TONSL: variants seen among roughly 807,000 people sequenced by gnomAD.
The protein encoded by TONSL is tonsoku like, DNA repair protein.
Under a neutral mutation model 147.1 loss-of-function variants are expected in TONSL, and 112 were observed. The observed-to-expected ratio is 0.76, with a 90% confidence interval of 0.65 to 0.89. The LOEUF (loss-of-function observed/expected upper bound fraction) is 0.89. Among genes scored for constraint, TONSL ranks in the 40% least tolerant of loss-of-function variants. The pLI, the probability that TONSL is intolerant of heterozygous loss-of-function variation, is 0.00. For missense variants in TONSL, 1,883 were observed against 1,864.6 expected (o/e 1.01, Z -0.18); for synonymous variants, 868 against 801.5 (o/e 1.08, Z -1.40).
chr8:144,438,477 C>T lies in TONSL; in HGVS notation c.1647G>A (p.Val549=), dbSNP rs1228979056. 1 of 1,612,536 alleles carries T rather than the reference C, an allele frequency of 6.2e-7. No homozygotes were observed. Among genetic ancestry groups the T allele is most frequent in the Non-Finnish European group, 8.5e-7 (1 of 1,179,838 alleles). The stretch of plus-strand genomic sequence containing the variant: ...GTCCCAGAGCGGGGCCCACCTGCCT[C>T]ACAAGGTCCTGGACGCGGCGCAGCT... The part of the protein sequence containing the change: ...EGQLRRVQDL[V]RQGHPLNPRD... The change falls in exon 13 of 26, where the codon GTG becomes GTA. Residue 549 remains valine (V), a synonymous_variant. Coordinates refer to ENST00000409379, the MANE Select transcript of TONSL (RefSeq NM_013432.5).
At position 144,438,468 on chromosome 8, in the gene TONSL, C is replaced by T. The variant is rs1270088139; in HGVS notation, c.1653+3G>A. On this transcript the variant is annotated splice_donor_region_variant and intron_variant, in intron 13 of 25. Transcript: ENST00000409379. Reference sequence around the variant, plus strand: ...CTGTCCCACGTCCCAGAGCGGGGCCCACCTGCCTCACAAGGTCCTGGACGC... The same window carrying T: ...CTGTCCCACGTCCCAGAGCGGGGCCTACCTGCCTCACAAGGTCCTGGACGC... 3 of 1,612,278 alleles carry T rather than the reference C, an allele frequency of 1.9e-6. No homozygotes were observed. Among genetic ancestry groups the T allele is most frequent in the Non-Finnish European group, 1.7e-6 (2 of 1,179,722 alleles).
chr8:144,439,747 G>A (rs1262647621), intron 11 of TONSL: 10 of 498,862 alleles, frequency 2.0e-5, no homozygotes, highest in Non-Finnish European at 3.2e-5. Context: ...TCTCACCCCT[G>A]GCCCCAGATG....
chr8:144,441,234 G>C, intron 7 of TONSL, 123 bp from the exon 8 acceptor site: 1 of 1,366,380 alleles, frequency 7.3e-7, no homozygotes, highest in Non-Finnish European at 9.8e-7. Context: ...CTGCCTGTTG[G>C]TGTGGGGGTT....
At position 144,434,234 on chromosome 8, in the gene TONSL, C is replaced by T. The variant is rs2130844567; in HGVS notation, c.3131G>A (p.Gly1044Asp). The T allele has an allele frequency of 6.5e-7, 1 of 1,538,072 alleles. No homozygotes were observed. The highest frequency in any genetic ancestry group is 1.2e-5 in the South Asian group (1 of 80,706). ...CAGGGAGCAGGCGCTGAACGAGAGG[C>T]CCAAGCCCTGGAGCTCCACGGCCTG... ...VLQAVELQGL[G>D]LSFSACSLAL... is the part of the protein sequence containing the mutation. Residue 1044 changes from glycine (G) to aspartate (D), a missense_variant, in exon 21 of 26, where the codon GGC (glycine) becomes GAC (aspartate). Coordinates refer to ENST00000409379, the MANE Select transcript of TONSL (RefSeq NM_013432.5).
At chr8:144,441,388 C>G (rs1195501448) in intron 7 of TONSL, 2 of 386,358 alleles carry the variant, frequency 5.2e-6, no homozygotes, top group African/African-American at 2.0e-5. Context: ...GTCAGGAGAT[C>G]GAGACCATCC....
intron 5 of TONSL, 29 bp downstream of exon 5, chr8:144,442,648 C>T (rs1424242391): frequency 6.2e-6 from 10 of 1,602,494 alleles, no homozygotes; most frequent in Non-Finnish European, 6.8e-6. Flanking sequence ...AGGGACTCCA[C>T]TCCCTCCTGG....
chr8:144,443,303 C>G lies in TONSL; in HGVS notation c.283G>C (p.Glu95Gln), dbSNP rs769353663. The change falls in exon 4 of 26, where the codon GAG becomes CAG. Residue 95 changes from glutamate to glutamine, a missense_variant. Physicochemically the swap from Glu to Gln is conservative, Grantham distance 29. Coordinates refer to ENST00000409379, the MANE Select transcript of TONSL (RefSeq NM_013432.5). The stretch of plus-strand genomic sequence containing the variant: ...TGGTTGCGCAGGGAATGTGCCAGCT[C>G]CAGGTACTGGTGCTGGTGCTGAGTG... ...AALQHQHQYL[E>Q]LAHSLRNHTE... The G allele has an allele frequency of 1.3e-6, 2 of 1,550,356 alleles. No individual in the cohort carries two copies. The highest frequency in any genetic ancestry group is 2.4e-5 in the South Asian group (2 of 84,050).
rs898503167 is a variant in TONSL, at chr8:144,436,400, G to C, written c.2033C>G (p.Ala678Gly). ...CAGAAGGCTGCTTGGGGTGTGGAAG[G>C]CCTGGGAGCTGTGGGGATCTGTGGG... is the stretch of plus-strand genomic sequence containing the variant. ...ASGQDPHSSQ[A>G]FHTPSSLLFD... Residue 678 changes from alanine (A) to glycine (G), a missense_variant, in exon 17 of 26, where the codon GCC (alanine) becomes GGC (glycine). Transcript: ENST00000409379. 13 of 1,508,424 alleles carry C rather than the reference G, an allele frequency of 8.6e-6. No homozygotes were observed. The highest frequency in any genetic ancestry group is 1.1e-5 in the Non-Finnish European group (13 of 1,134,842). The allele number at this position is 1,508,424 out of a possible 1,614,324, so 93.4% of individuals were successfully genotyped here.
intron 25 of TONSL, among the ~76,000 whole-genome samples, chr8:144,429,735 T>G (rs1410345001): frequency 6.6e-6 from 1 of 151,838 alleles, no homozygotes; most frequent in African/African-American, 2.4e-5. Flanking sequence ...GGAACTGAGG[T>G]GTGGGGAAGG....
Position 144,429,157 on chromosome 8 carries a change from A to G in TONSL, c.4123T>C (p.Phe1375Leu). ...CAGCGCCAGGGTCAGAGGCGCCGAA[A>G]GAAGAGCTTGGAGCCGTGGTCCAGC... ...CTLDHGSKLF[F>L]RRL The change falls in exon 26 of 26, where the codon TTT becomes CTT. Residue 1375 changes from phenylalanine to leucine, a missense_variant. Transcript: ENST00000409379. 1 of 1,530,486 alleles carries G rather than the reference A, an allele frequency of 6.5e-7. No homozygotes were observed. The highest frequency in any genetic ancestry group is 2.5e-5 in the East Asian group (1 of 40,328). The allele number at this position is 1,530,486 out of a possible 1,614,324, so 94.8% of individuals were successfully genotyped here.
rs759106761 is a variant in TONSL at position 144,436,585 on chromosome 8, G to C, written c.1987C>G (p.Leu663Val). Residue 663 changes from leucine (L) to valine (V), a missense_variant, in exon 16 of 26, where the codon CTG (leucine) becomes GTG (valine). Coordinates refer to ENST00000409379, the MANE Select transcript of TONSL (RefSeq NM_013432.5). Reference sequence around the variant, plus strand: ...TGGCCCGAGGCAGCCGCCTGGAGCAGCATCTCCATGGCCCTGGCCTTCTGC... The same window carrying C: ...TGGCCCGAGGCAGCCGCCTGGAGCACCATCTCCATGGCCCTGGCCTTCTGC... ...TRQKARAMEMLLQAAASGQDP... is the reference protein window; with the variant it reads ...TRQKARAMEMVLQAAASGQDP... 4.8e-5 allele frequency: 78 copies of C among 1,611,248 alleles called. No individual in the cohort carries two copies. The highest frequency in any genetic ancestry group is 6.1e-5 in the Non-Finnish European group (72 of 1,179,936).
intron 3 of TONSL, 23 bp downstream of exon 3, chr8:144,443,859 G>A: frequency 6.5e-7 from 1 of 1,543,006 alleles, no homozygotes; most frequent in Non-Finnish European, 8.7e-7. Flanking sequence ...CGGGCTGGAC[G>A]AGGCCAGTGA....
intron 23 of TONSL, among the ~76,000 whole-genome samples, chr8:144,431,424 T>C (rs13281939): frequency 0.52 from 78,112 of 151,658 alleles, 20,222 homozygotes; most frequent in Middle Eastern, 0.62. Context: ...GGGGGCAAGA[T>C]CACCCTGAGT....
chr8:144,429,868 C>T (rs1236173686), intron 25 of TONSL, among the ~76,000 whole-genome samples: 2 of 152,182 alleles, frequency 1.3e-5, no homozygotes, highest in Non-Finnish European at 2.9e-5. Context: ...AGCCCTCATC[C>T]CCTGGAGGGC....
Position 144,438,501 on chromosome 8 carries a change from C to G in TONSL, c.1623G>C (p.Gln541His), listed in dbSNP as rs764990837. The change falls in exon 13 of 26, where the codon CAG becomes CAC. Residue 541 changes from glutamine (Q) to histidine (H), a missense_variant. Coordinates refer to ENST00000409379, the MANE Select transcript of TONSL (RefSeq NM_013432.5). ...TLLHRACIEG[Q>H]LRRVQDLVRQ... ...TCACAAGGTCCTGGACGCGGCGCAG[C>G]TGGCCCTCGATGCAGGCTCGGTGCA... 7 of 1,613,122 alleles carry G rather than the reference C, an allele frequency of 4.3e-6. No individual in the cohort carries two copies. The highest frequency in any genetic ancestry group is 5.9e-6 in the Non-Finnish European group (7 of 1,179,968).
At chr8:144,438,875 T>A in intron 11 of TONSL, 140 bp from the exon 12 acceptor site, 1 of 839,948 alleles carries the variant, frequency 1.2e-6, no homozygotes, top group Non-Finnish European at 1.9e-6. Context: ...TGCTGGGCTC[T>A]GGGGGCTCCT....
Position 144,442,017 on chromosome 8 carries a change from A to T in TONSL, c.865+20T>A. 6.2e-7 allele frequency: 1 copy of T among 1,608,150 alleles called. No individual in the cohort carries two copies. Among genetic ancestry groups the T allele is most frequent in the Non-Finnish European group, 8.5e-7 (1 of 1,176,640 alleles). ...CCCTGCACACACCTCCCAGGGCCCC[A>T]TTCGCACCCCCAGGCTCACCATGCT... On this transcript the variant is annotated intron_variant, in intron 7 of 25. Transcript: ENST00000409379.
At chr8:144,444,055 C>G (rs886691006) in intron 2 of TONSL, 31 bp from the exon 3 acceptor site, 20 of 1,484,764 alleles carry the variant, frequency 1.3e-5, no homozygotes, top group Non-Finnish European at 1.8e-5. Context: ...GCCTGGCAGG[C>G]GTCGCGGGTG....
At chr8:144,443,377 A>G in intron 3 of TONSL, 56 bp from the exon 4 acceptor site, 1 of 1,483,866 alleles carries the variant, frequency 6.7e-7, no homozygotes, top group South Asian at 1.2e-5. Context: ...GCAAACCGGC[A>G]CCGCCAGATT....
Sources: allele counts gnomAD v4.1 joint callset (sites outside exome capture counted in the v4.1 genomes callset), GRCh38; gene constraint gnomAD v4.1.1; transcripts MANE v1.5; gene names NCBI Gene and HGNC (gene_info 2026-07-23, HGNC 2026-07-21).